The following DGKH variants were observed in gnomAD, a reference collection of about 807,000 sequenced individuals.
The protein encoded by DGKH is DAG kinase eta.
Under a neutral mutation model 159.3 loss-of-function variants are expected in DGKH, and 90 were observed. The observed-to-expected ratio is 0.57, with a 90% CI of 0.48 to 0.67. The LOEUF is 0.67. DGKH is among the 30% of genes least tolerant of loss of function. The pLI is 0.00. For missense variants in DGKH, 1,181 were observed against 1,506.1 expected (o/e 0.78, Z 3.57); for synonymous variants, 536 against 553.8 (o/e 0.97, Z 0.45).
At chr13:42,057,032 G>T (rs1566078597) in intron 1 of DGKH, among the ~76,000 whole-genome samples, 1 of 152,060 alleles carries the variant, frequency 6.6e-6, no homozygotes, top group Non-Finnish European at 1.5e-5. Context: ...AAAAATTCCA[G>T]CTGAAATTTA....
chr13:42,113,237 A>G (rs1428367987), intron 1 of DGKH, among the ~76,000 whole-genome samples: 1 of 152,224 alleles, frequency 6.6e-6, no homozygotes, highest in East Asian at 1.9e-4. Flanking sequence ...GGTGCGTGGA[A>G]AAAGGAACAA....
At chr13:42,085,928 T>G (rs61959199) in intron 1 of DGKH, among the ~76,000 whole-genome samples, 2,492 of 136,034 alleles carry the variant, frequency 0.018, 39 homozygotes, top group Middle Eastern at 0.038. Flanking sequence ...TTAAACTAAG[T>G]TTTTTTTTTT....
chr13:42,173,622 T>C (rs1034415611), intron 11 of DGKH, among the ~76,000 whole-genome samples: 4 of 152,236 alleles, frequency 2.6e-5, no homozygotes, highest in African/African-American at 9.6e-5. Flanking sequence ...ATTTAAGACA[T>C]TGTTTTAAAA....
intron 3 of DGKH, among the ~76,000 whole-genome samples, chr13:42,135,812 G>A (rs1031051654): frequency 6.6e-6 from 1 of 152,090 alleles, no homozygotes; most frequent in Non-Finnish European, 1.5e-5. Context: ...TTAATCTAAG[G>A]CTCTTTCCAA....
chr13:42,195,587 G>A (rs963453067), intron 17 of DGKH, among the ~76,000 whole-genome samples: 2 of 152,194 alleles, frequency 1.3e-5, no homozygotes, highest in African/African-American at 2.4e-5. Flanking sequence ...CCAGGAATCT[G>A]CATTTACTAA....
chr13:42,249,029 T>C (rs1958601479), intron 29 of DGKH, among the ~76,000 whole-genome samples: 1 of 152,220 alleles, frequency 6.6e-6, no homozygotes. Flanking sequence ...AAATAGCACT[T>C]ATGTACATGC....
At chr13:42,199,537 C>A in intron 18 of DGKH, 29 bp from the exon 19 acceptor site, 1 of 1,431,282 alleles carries the variant, frequency 7.0e-7, no homozygotes, top group Non-Finnish European at 9.6e-7. Context: ...CTCAAATTGA[C>A]TTTGATGTAC....
intron 7 of DGKH, among the ~76,000 whole-genome samples, chr13:42,163,499 T>A (rs1227906387): frequency 1.3e-5 from 2 of 152,070 alleles, no homozygotes; most frequent in Non-Finnish European, 2.9e-5. Flanking sequence ...GTGTTCCTAT[T>A]TCTCCACATC....
chr13:42,171,627 C>T (rs1237338764), intron 11 of DGKH, among the ~76,000 whole-genome samples: 3 of 152,262 alleles, frequency 2.0e-5, no homozygotes, highest in Non-Finnish European at 4.4e-5. Flanking sequence ...TGTTTCTACT[C>T]GTGGTTTTCC....
chr13:42,072,922 G>A (rs948655018), intron 1 of DGKH, among the ~76,000 whole-genome samples: 10 of 151,492 alleles, frequency 6.6e-5, no homozygotes, highest in Admixed American at 3.3e-4. Flanking sequence ...GATCACCACC[G>A]AATACACTAG....
intron 3 of DGKH, among the ~76,000 whole-genome samples, chr13:42,146,188 A>G (rs1450448465): frequency 8.5e-6 from 1 of 117,232 alleles, no homozygotes; most frequent in Non-Finnish European, 1.6e-5. Context: ...AAGTATTCAT[A>G]TGAATGTACT....
At chr13:42,047,945 C>A (rs1880912024), upstream of DGKH, among the ~76,000 whole-genome samples, 1 of 151,884 alleles carries the variant, frequency 6.6e-6, no homozygotes, top group Non-Finnish European at 1.5e-5. Context: ...AAGGGGATCG[C>A]TCTTTCTGAA....
At chr13:42,059,300 A>G (rs1881976379) in intron 1 of DGKH, among the ~76,000 whole-genome samples, 1 of 151,076 alleles carries the variant, frequency 6.6e-6, no homozygotes, top group Non-Finnish European at 1.5e-5. Flanking sequence ...CCCAGGCTGG[A>G]GTGCAGTGGC....
intron 1 of DGKH, among the ~76,000 whole-genome samples, chr13:42,103,118 A>T (rs1594030793): frequency 6.6e-6 from 1 of 151,982 alleles, no homozygotes; most frequent in South Asian, 2.1e-4. Context: ...GGATCAGGAG[A>T]TTGTTGTATA....
At chr13:42,069,506 AG>A (rs1882814432) in intron 1 of DGKH, 1 of 1,582,836 alleles carries the variant, frequency 6.3e-7, no homozygotes. Context: ...CCTGCAATAA[AG>A]GAATGAAAAT....
chr13:42,172,788 C>T (rs1956496223), intron 11 of DGKH, among the ~76,000 whole-genome samples: 1 of 151,984 alleles, frequency 6.6e-6, no homozygotes, highest in South Asian at 2.1e-4. Context: ...ATTCTCCTGC[C>T]TCAGCCTCCT....
At chr13:42,205,730 A>G (rs1350050627) in intron 20 of DGKH, among the ~76,000 whole-genome samples, 2 of 152,186 alleles carry the variant, frequency 1.3e-5, no homozygotes, top group East Asian at 1.9e-4. Context: ...GAGGACCACA[A>G]TGCAGGTGAA....
chr13:42,087,082 CA>C (rs1454266879), intron 1 of DGKH, among the ~76,000 whole-genome samples: 3 of 146,596 alleles, frequency 2.0e-5, no homozygotes, highest in African/African-American at 7.7e-5. Flanking sequence ...CACACACACA[CA>C]CCTCAGAACA....
chr13:42,205,927 G>A (rs1264334947), intron 20 of DGKH, 112 bp from the exon 21 acceptor site: 3 of 511,266 alleles, frequency 5.9e-6, no homozygotes, highest in Admixed American at 4.2e-5. Context: ...CAGACATTAC[G>A]AACACACTGT....
Sources: gnomAD v4.1 joint callset for allele counts (sites outside exome capture counted in the v4.1 genomes callset) on GRCh38, gnomAD v4.1.1 for gene constraint, MANE v1.5 for transcripts, NCBI Gene and HGNC (gene_info 2026-07-23, HGNC 2026-07-21) for gene names.